The following GTSF1 variants were observed in gnomAD, a reference collection of about 807,000 sequenced individuals.
GTSF1 encodes gametocyte specific factor 1.
In GTSF1, 11 loss-of-function variants were observed where a neutral mutation model predicts 28.9. The ratio of observed to expected loss-of-function variants is 0.38; its 90% CI spans 0.24 to 0.63. The LOEUF is 0.63. GTSF1 is among the 30% of genes least tolerant of loss of function. GTSF1 has a pLI of 0.56. For synonymous variants in GTSF1, 69 were observed against 65.6 expected, an observed-to-expected ratio of 1.05 and a Z score of -0.25; for missense variants, 146 against 201.0, an observed-to-expected ratio of 0.73 and a Z score of 1.66.
chr12:54,459,532 A>C, intron 7 of GTSF1: 9 of 1,004,800 alleles, frequency 9.0e-6, no homozygotes, highest in Non-Finnish European at 1.2e-5. Flanking sequence ...TGGAAATTTC[A>C]TTATGACGGT....
At chr12:54,469,412 C>T (rs1393060008) in intron 2 of GTSF1, among the ~76,000 whole-genome samples, 1 of 129,992 alleles carries the variant, frequency 7.7e-6, no homozygotes, top group African/African-American at 2.9e-5. Flanking sequence ...GTCGGCCAGG[C>T]GTAGTGGCTT....
chr12:54,461,502 C>G (rs1393104097), intron 6 of GTSF1, among the ~76,000 whole-genome samples: 1 of 152,018 alleles, frequency 6.6e-6, no homozygotes, highest in African/African-American at 2.4e-5. Context: ...AAAGAATTAG[C>G]TAGGTGTGGT....
chr12:54,458,108 T>C (rs1436533142), intron 8 of GTSF1, among the ~76,000 whole-genome samples: 1 of 152,194 alleles, frequency 6.6e-6, no homozygotes, highest in Non-Finnish European at 1.5e-5. Context: ...TGCAAAACAG[T>C]TGGGATATAA....
At chr12:54,465,282 C>A in intron 2 of GTSF1, 115 bp from the exon 3 acceptor site, 5 of 532,242 alleles carry the variant, frequency 9.4e-6, no homozygotes, top group Admixed American at 3.1e-5. Context: ...ACAATATAGT[C>A]TAAAGAAAAC....
intron 2 of GTSF1, among the ~76,000 whole-genome samples, chr12:54,466,331 A>C (rs1017522542): frequency 6.6e-6 from 1 of 152,268 alleles, no homozygotes; most frequent in African/African-American, 2.4e-5. Context: ...GACTGCTAGG[A>C]AAATCAGAAG....
intron 7 of GTSF1, among the ~76,000 whole-genome samples, chr12:54,460,059 T>C (rs1271553964): frequency 6.6e-6 from 1 of 152,196 alleles, no homozygotes; most frequent in Non-Finnish European, 1.5e-5. Flanking sequence ...CAGGGATCAC[T>C]TCCTCCTAGC....
intron 7 of GTSF1, 121 bp downstream of exon 7, chr12:54,460,256 G>GCA (rs1956401557): frequency 1.5e-6 from 1 of 685,652 alleles, no homozygotes; most frequent in Non-Finnish European, 2.5e-6. Context: ...ATTTAAGGAG[G>GCA]CACTCACTTT....
intron 8 of GTSF1, among the ~76,000 whole-genome samples, chr12:54,457,471 G>A (rs1173995558): frequency 6.6e-6 from 1 of 152,160 alleles, no homozygotes; most frequent in East Asian, 1.9e-4. Flanking sequence ...TTTAGAGACA[G>A]GTCTCACTAT....
intron 1 of GTSF1, among the ~76,000 whole-genome samples, chr12:54,473,334 T>C (rs1956612577): frequency 6.7e-6 from 1 of 148,870 alleles, no homozygotes; most frequent in Non-Finnish European, 1.5e-5. Flanking sequence ...GTGGGGGAGG[T>C]GGTTAACTTA....
chr12:54,472,193 C>T (rs1956602815), intron 1 of GTSF1: 1 of 152,240 alleles, frequency 6.6e-6, no homozygotes, highest in Admixed American at 6.5e-5. Flanking sequence ...CTTTGACAGA[C>T]AGTATACACT....
At chr12:54,457,394 G>C (rs1387685040) in intron 8 of GTSF1, among the ~76,000 whole-genome samples, 1 of 152,184 alleles carries the variant, frequency 6.6e-6, no homozygotes, top group Non-Finnish European at 1.5e-5. Context: ...TAGCATATCA[G>C]AGAGGAATTC....
intron 6 of GTSF1, 99 bp downstream of exon 6, chr12:54,462,010 C>T (rs770511162): frequency 1.1e-4 from 88 of 798,294 alleles, no homozygotes; most frequent in Non-Finnish European, 1.7e-4. Flanking sequence ...CAAGGAACAT[C>T]GTTAAAGAAA....
intron 1 of GTSF1, among the ~76,000 whole-genome samples, chr12:54,472,957 A>C (rs1305461572): frequency 6.6e-6 from 1 of 152,220 alleles, no homozygotes; most frequent in Non-Finnish European, 1.5e-5. Context: ...TCTTGATTTT[A>C]AGTGATGAGC....
chr12:54,472,264 G>A (rs1194172816), intron 1 of GTSF1: 1 of 152,156 alleles, frequency 6.6e-6, no homozygotes, highest in Non-Finnish European at 1.5e-5. Flanking sequence ...TCTTAAACAT[G>A]ATCAGGAAGG....
chr12:54,462,822 T>C (rs1257416722), intron 4 of GTSF1, 97 bp from the exon 5 acceptor site: 2 of 897,916 alleles, frequency 2.2e-6, no homozygotes, highest in Admixed American at 2.4e-5. Context: ...GGTAGCCTGT[T>C]GGGTCTTTAT....
chr12:54,471,154 C>G (rs1592324918), intron 2 of GTSF1, 79 bp downstream of exon 2: 1 of 1,148,862 alleles, frequency 8.7e-7, no homozygotes, highest in East Asian at 2.7e-5. Context: ...TTCTTCCCAG[C>G]ACACTAAAAG....
At chr12:54,460,326 G>A (rs1307914449) in intron 7 of GTSF1, 51 bp downstream of exon 7, 1 of 1,305,968 alleles carries the variant, frequency 7.7e-7, no homozygotes, top group Non-Finnish European at 1.1e-6. Context: ...AAGATCAACT[G>A]TATTTAGCAC....
At chr12:54,459,722 CTTTTTT>C in intron 7 of GTSF1, 15 of 133,048 alleles carry the variant, frequency 1.1e-4, no homozygotes, top group South Asian at 4.1e-4. Flanking sequence ...GATATTATGC[CTTTTTT>C]TTTTTTTTTT....
chr12:54,465,795 G>C (rs1189564596), intron 2 of GTSF1, among the ~76,000 whole-genome samples: 1 of 152,162 alleles, frequency 6.6e-6, no homozygotes, highest in Non-Finnish European at 1.5e-5. Flanking sequence ...ATGGAAGCTT[G>C]AAAAATATTA....
Sources: gnomAD v4.1 joint callset for allele counts (sites outside exome capture counted in the v4.1 genomes callset) on GRCh38, gnomAD v4.1.1 for gene constraint, MANE v1.5 for transcripts, NCBI Gene and HGNC (gene_info 2026-07-23, HGNC 2026-07-21) for gene names.